Variants in IL1RAPL1 observed in about 807,000 individuals in gnomAD.
The protein encoded by IL1RAPL1 is interleukin 1 receptor accessory protein like 1.
A neutral mutation model predicts 48.4 loss-of-function variants in IL1RAPL1; 3 were observed. That is an observed-to-expected ratio of 0.06 (90% CI 0.03 to 0.16). The LOEUF is 0.16. IL1RAPL1 is among the 10% of genes least tolerant of loss of function. The pLI is 1.00. For missense variants in IL1RAPL1, 349 were observed against 530.6 expected (o/e 0.66, Z 3.36); for synonymous variants, 185 against 187.7 (o/e 0.99, Z 0.12).
chrX:29,285,299 G>A (rs988934176), intron 3 of IL1RAPL1, among the ~76,000 whole-genome samples: 3 of 109,404 alleles, frequency 2.7e-5, no homozygotes, highest in East Asian at 2.9e-4. Flanking sequence ...TTGGGAGGCC[G>A]AGGTGGGCAG....
chrX:29,920,951 G>A (rs777420020), intron 8 of IL1RAPL1, among the ~76,000 whole-genome samples: 1 of 109,148 alleles, frequency 9.2e-6, no homozygotes, highest in South Asian at 3.9e-4. Flanking sequence ...AGTATTTTTT[G>A]ACATATTGTT....
chrX:29,395,681 A>G (rs1313331773), intron 3 of IL1RAPL1, among the ~76,000 whole-genome samples: 1 of 111,935 alleles, frequency 8.9e-6, no homozygotes, highest in Non-Finnish European at 1.9e-5. Flanking sequence ...GTCGATAAAG[A>G]TAGTAACTTT....
At chrX:29,375,845 A>G (rs752398678) in intron 3 of IL1RAPL1, among the ~76,000 whole-genome samples, 1 of 112,331 alleles carries the variant, frequency 8.9e-6, no homozygotes, top group African/African-American at 3.2e-5. Flanking sequence ...ATTTGTTTGC[A>G]TAGAGTTGTT....
At chrX:28,901,440 T>G (rs886664592) in intron 2 of IL1RAPL1, among the ~76,000 whole-genome samples, 1 of 111,989 alleles carries the variant, frequency 8.9e-6, no homozygotes, top group Non-Finnish European at 1.9e-5. Flanking sequence ...GCTTTTCACT[T>G]CATGTTATCA....
At chrX:29,221,941 C>T (rs767118810) in intron 2 of IL1RAPL1, among the ~76,000 whole-genome samples, 3 of 98,658 alleles carry the variant, frequency 3.0e-5, no homozygotes, top group East Asian at 3.4e-4. Flanking sequence ...ACCCAGGAGG[C>T]GGAGGTTGCA....
chrX:29,122,447 A>ACACACACC (rs1928812369), intron 2 of IL1RAPL1, among the ~76,000 whole-genome samples: 1 of 69,189 alleles, frequency 1.4e-5, no homozygotes, highest in African/African-American at 6.1e-5. Flanking sequence ...ACACACACAC[A>ACACACACC]CTCGCCCCCC....
At chrX:29,497,880 T>C (rs942973033) in intron 5 of IL1RAPL1, among the ~76,000 whole-genome samples, 12 of 111,897 alleles carry the variant, frequency 1.1e-4, no homozygotes, top group African/African-American at 3.6e-4. Flanking sequence ...AGTGTTTGAG[T>C]AATCAAGAAT....
intron 5 of IL1RAPL1, among the ~76,000 whole-genome samples, chrX:29,653,886 T>C (rs1368328338): frequency 9.5e-6 from 1 of 105,659 alleles, no homozygotes. Context: ...AAAGAATGAA[T>C]GGAAAATTAG....
chrX:29,471,500 C>T (rs760961191), intron 5 of IL1RAPL1, among the ~76,000 whole-genome samples: 1 of 111,141 alleles, frequency 9.0e-6, no homozygotes, highest in South Asian at 3.8e-4. Flanking sequence ...GGGAGGCCAT[C>T]TGGGGAGACA....
chrX:28,680,620 AG>A (rs1014197329), intron 1 of IL1RAPL1, among the ~76,000 whole-genome samples: 5 of 111,468 alleles, frequency 4.5e-5, no homozygotes, highest in African/African-American at 1.6e-4. Flanking sequence ...TGTTGAAGTC[AG>A]TTCCTTCTAT....
Position 29,827,525 on chromosome X carries a change from G to A in IL1RAPL1, c.779-89939G>A, listed in dbSNP as rs112115332. Among the ~76,000 whole-genome samples, 539 of 112,033 alleles carry A rather than the reference G, an allele frequency of 4.8e-3. 2 individuals are homozygous for A. Among genetic ancestry groups the A allele is most frequent in the African/African-American group, 0.017 (518 of 30,866 alleles). ...AAAAATGAGAGAGGGTGTGGCTCTAGAGAGGGGACAGTGGGGAAAGGTAAG... is the reference window on the plus strand; with the variant it reads ...AAAAATGAGAGAGGGTGTGGCTCTAAAGAGGGGACAGTGGGGAAAGGTAAG... On this transcript the variant is annotated intron_variant, in intron 6 of 10. Transcript: ENST00000378993.
rs534432782 is a variant in IL1RAPL1 at position 29,437,346 on chromosome X, C to T, written c.703+38038C>T. Among the ~76,000 whole-genome samples, 7 of 110,877 alleles carry T rather than the reference C, an allele frequency of 6.3e-5. No individual in the cohort carries two copies. In the East Asian group the frequency reaches 2.0e-3, roughly 31 times the overall value. On this transcript the variant is annotated intron_variant, in intron 5 of 10. Coordinates refer to ENST00000378993, the MANE Select transcript of IL1RAPL1 (RefSeq NM_014271.4). ...TGTTAGCACAGGACAGTCATTTTAT[C>T]TGCAGATAAGGACAGTTTTATTTCT...
chrX:28,945,495 C>G (rs1449451142), intron 2 of IL1RAPL1, among the ~76,000 whole-genome samples: 2 of 110,856 alleles, frequency 1.8e-5, no homozygotes, highest in Non-Finnish European at 3.8e-5. Context: ...CAAACTATCA[C>G]AGGAACAGAA....
At chrX:29,388,748 G>A (rs1254908996) in intron 3 of IL1RAPL1, among the ~76,000 whole-genome samples, 3 of 112,147 alleles carry the variant, frequency 2.7e-5, no homozygotes, top group Non-Finnish European at 5.6e-5. Flanking sequence ...GAGACAGAAA[G>A]CAGATGGGTG....
chrX:28,630,582 A>T (rs773375004), intron 1 of IL1RAPL1, among the ~76,000 whole-genome samples: 26 of 111,453 alleles, frequency 2.3e-4, no homozygotes, highest in Non-Finnish European at 3.8e-4. Context: ...CTTCTATTTC[A>T]TCCACCTGTT....
intron 2 of IL1RAPL1, among the ~76,000 whole-genome samples, chrX:29,165,173 G>C (rs1176778277): frequency 9.0e-6 from 1 of 111,555 alleles, no homozygotes; most frequent in Non-Finnish European, 1.9e-5. Flanking sequence ...ACAAAAATTA[G>C]CTGGGCGTGG....
At chrX:28,810,616 A>T (rs1308405285) in intron 2 of IL1RAPL1, among the ~76,000 whole-genome samples, 1 of 111,041 alleles carries the variant, frequency 9.0e-6, no homozygotes, top group Non-Finnish European at 1.9e-5. Flanking sequence ...CAAATTTAAA[A>T]TCTTCTATTG....
chrX:28,801,209 A>T (rs1936671410), intron 2 of IL1RAPL1, among the ~76,000 whole-genome samples: 1 of 110,893 alleles, frequency 9.0e-6, no homozygotes, highest in South Asian at 3.8e-4. Flanking sequence ...AGTTTGTTTA[A>T]CTGTTTAGAA....
chrX:29,002,816 G>A (rs960656589), intron 2 of IL1RAPL1, among the ~76,000 whole-genome samples: 2 of 110,210 alleles, frequency 1.8e-5, no homozygotes, highest in African/African-American at 3.3e-5. Flanking sequence ...TTTTTTTGTG[G>A]GGGTGGGGAT....
Sources: allele counts gnomAD v4.1 joint callset (sites outside exome capture counted in the v4.1 genomes callset), GRCh38; gene constraint gnomAD v4.1.1; transcripts MANE v1.5; gene names NCBI Gene and HGNC (gene_info 2026-07-23, HGNC 2026-07-21).